RIMS1: variants seen among roughly 807,000 people sequenced by gnomAD.
RIMS1 encodes the protein regulating synaptic membrane exocytosis 1, also known as regulating synaptic membrane exocytosis protein 1.
A neutral mutation model predicts 214.1 loss-of-function variants in RIMS1; 83 were observed. The ratio of observed to expected loss-of-function variants is 0.39; its 90% CI spans 0.32 to 0.47. The LOEUF (loss-of-function observed/expected upper bound fraction) is 0.47. Ranked by LOEUF, RIMS1 falls within the 20% of genes least tolerant of loss-of-function variation. The pLI is 0.99. For synonymous variants in RIMS1, 793 were observed against 786.8 expected (o/e 1.01, Z -0.13); for missense variants, 2,050 against 2,161.8 (o/e 0.95, Z 1.03).
rs147374399 is a variant in RIMS1 at position 72,256,986 on chromosome 6, G to A, written c.2771-1139G>A. On this transcript the variant is annotated intron_variant, in intron 16 of 33. Coordinates refer to ENST00000521978, the MANE Select transcript of RIMS1 (RefSeq NM_014989.7). ...ATTGTCAAAGTACACTTAATGAAAT[G>A]TTTGAAGTCCCTTAAAATTCGGCAT... 3.3e-4 allele frequency among the ~76,000 whole-genome samples: 50 copies of A among 152,062 alleles called. No homozygotes were observed. The East Asian group carries it at 9.4e-3, about 29-fold the overall frequency.
In RIMS1 at chr6:72,081,423, C is replaced by T. The variant is rs1528504; in HGVS notation, c.246-15526C>T. Among the ~76,000 whole-genome samples, 540 of 152,122 alleles carry T rather than the reference C, an allele frequency of 3.5e-3. 3 individuals carry two copies. The highest frequency in any genetic ancestry group is 0.012 in the African/African-American group (502 of 41,504). ...CTGACACAGTCTATTGAATTAAATG[C>T]GGTTCAAATTCAAAGTACCTTCATA... On this transcript the variant is annotated intron_variant, in intron 2 of 33. Coordinates refer to ENST00000521978, the MANE Select transcript of RIMS1 (RefSeq NM_014989.7).
intron 26 of RIMS1, among the ~76,000 whole-genome samples, chr6:72,293,442 T>G (rs2093688793): frequency 6.6e-6 from 1 of 151,938 alleles, no homozygotes; most frequent in South Asian, 2.1e-4. Flanking sequence ...AATTTATTTT[T>G]TAAAGCAAAA....
rs1474603635 is a variant in RIMS1, at chr6:72,266,015, C to T, written c.3364C>T (p.Pro1122Ser). The T allele has an allele frequency of 1.3e-6, 2 of 1,584,504 alleles. No homozygotes were observed. Among genetic ancestry groups the T allele is most frequent in the Non-Finnish European group, 1.7e-6 (2 of 1,164,208 alleles). Reference sequence around the variant, plus strand: ...GAGTGCTAGTACCAACTGCTTGAGACCAGATACTAGTTTGCATTCACCAGA... The same window carrying T: ...GAGTGCTAGTACCAACTGCTTGAGATCAGATACTAGTTTGCATTCACCAGA... ...ARSASTNCLR[P>S]DTSLHSPERE... Residue 1122 changes from proline (P) to serine (S), a missense_variant, in exon 22 of 34, where the codon CCA (proline) becomes TCA (serine). By Grantham distance (74) the Pro-to-Ser change is moderately conservative (BLOSUM62 -1). Around this residue, in one of 6 missense-constraint regions of RIMS1, gnomAD observed 889 missense variants for 885.5 expected, o/e 1.00. Transcript: ENST00000521978.
chr6:72,100,896 T>G (rs924032572), intron 4 of RIMS1, among the ~76,000 whole-genome samples: 2 of 152,008 alleles, frequency 1.3e-5, no homozygotes, highest in African/African-American at 4.8e-5. Context: ...CGCTAGGATA[T>G]GCTTATTGAT....
chr6:72,037,161 A>T (rs1417263966), intron 2 of RIMS1, among the ~76,000 whole-genome samples: 1 of 152,000 alleles, frequency 6.6e-6, no homozygotes, highest in African/African-American at 2.4e-5. Context: ...GGTGGCAGGC[A>T]GCATTCTATT....
chr6:72,348,594 A>C (rs1434620341), intron 29 of RIMS1, among the ~76,000 whole-genome samples: 1 of 151,892 alleles, frequency 6.6e-6, no homozygotes, highest in Non-Finnish European at 1.5e-5. Context: ...ATTTTTTAAT[A>C]GATTCAGAGG....
chr6:72,306,805 G>A (rs950339574), intron 26 of RIMS1, among the ~76,000 whole-genome samples: 3 of 152,220 alleles, frequency 2.0e-5, no homozygotes, highest in African/African-American at 7.2e-5. Flanking sequence ...CAATTTTTAG[G>A]TGACTACTGT....
chr6:72,241,378 A>G (rs960284752), intron 9 of RIMS1, among the ~76,000 whole-genome samples: 2 of 152,196 alleles, frequency 1.3e-5, no homozygotes, highest in Non-Finnish European at 2.9e-5. Flanking sequence ...TGAGACTACC[A>G]TTTTGAAGTG....
chr6:72,172,194 C>T (rs930666327), intron 4 of RIMS1, among the ~76,000 whole-genome samples: 1 of 151,868 alleles, frequency 6.6e-6, no homozygotes, highest in African/African-American at 2.4e-5. Flanking sequence ...TTTACCTTAA[C>T]GGTACAACTT....
rs149800224 is a variant in RIMS1, at chr6:72,007,194, G to A, written c.245+38131G>A. Among the ~76,000 whole-genome samples, 696 of 152,332 alleles carry A rather than the reference G, an allele frequency of 4.6e-3. 6 individuals are homozygous for A. The highest frequency in any genetic ancestry group is 0.016 in the African/African-American group (652 of 41,576). ...TATTCGCTGTTCTGCAGCCTCCGCT[G>A]CTGATACCCAGGCAAACAGGGTCTG... On this transcript the variant is annotated intron_variant, in intron 2 of 33. Transcript: ENST00000521978.
At chr6:72,097,881 A>T (rs899424838) in intron 3 of RIMS1, among the ~76,000 whole-genome samples, 14 of 152,324 alleles carry the variant, frequency 9.2e-5, no homozygotes, top group Admixed American at 6.5e-4. Flanking sequence ...ATACTAGAGT[A>T]ATTCTAATAA....
rs566533971 is a variant in RIMS1, at chr6:72,402,494, A to T, written c.*1780A>T. Reference sequence around the variant, plus strand: ...TAACACATGTAGACACTGTGTACACACTAGGTTTTAATTCATAGACATACT... The same window carrying T: ...TAACACATGTAGACACTGTGTACACTCTAGGTTTTAATTCATAGACATACT... On this transcript the variant is annotated 3_prime_UTR_variant, in exon 34 of 34. Transcript: ENST00000521978. The T allele has an allele frequency of 6.6e-6, 1 of 152,628 alleles. No individual in the cohort carries two copies. Among genetic ancestry groups the T allele is most frequent in the African/African-American group, 2.4e-5 (1 of 41,448 alleles). 9.5% of individuals were successfully genotyped at this position (152,628 alleles called of 1,614,324 possible). A position where few individuals can be genotyped will look rare whatever the true frequency, so the allele number is the denominator to read the frequency against.
intron 6 of RIMS1, among the ~76,000 whole-genome samples, chr6:72,184,001 G>A (rs1323544953): frequency 6.6e-6 from 1 of 152,196 alleles, no homozygotes; most frequent in Non-Finnish European, 1.5e-5. Flanking sequence ...TAACTGTAGT[G>A]CATACTGTAT....
intron 2 of RIMS1, among the ~76,000 whole-genome samples, chr6:72,078,859 A>T (rs1832565096): frequency 6.6e-6 from 1 of 152,110 alleles, no homozygotes; most frequent in Admixed American, 6.5e-5. Context: ...AAGTTTTTTT[A>T]TATATTTATA....
intron 3 of RIMS1, among the ~76,000 whole-genome samples, chr6:72,098,664 G>A (rs1192339378): frequency 6.6e-6 from 1 of 152,100 alleles, no homozygotes; most frequent in Admixed American, 6.5e-5. Flanking sequence ...TAACTTCTCT[G>A]AACAGTTTCT....
intron 4 of RIMS1, among the ~76,000 whole-genome samples, chr6:72,173,353 C>T (rs1447476978): frequency 1.3e-5 from 2 of 151,894 alleles, no homozygotes; most frequent in Non-Finnish European, 2.9e-5. Flanking sequence ...TATGCAATGA[C>T]TTCTCCATTC....
intron 4 of RIMS1, among the ~76,000 whole-genome samples, chr6:72,131,688 T>C (rs2040464979): frequency 6.6e-6 from 1 of 152,206 alleles, no homozygotes; most frequent in South Asian, 2.1e-4. Context: ...TTGTCATTGA[T>C]AACATCTTAT....
chr6:72,010,220 G>GA (rs978665353), intron 2 of RIMS1, among the ~76,000 whole-genome samples: 30 of 151,616 alleles, frequency 2.0e-4, no homozygotes, highest in Admixed American at 1.7e-3. Context: ...CAGAAGCGAA[G>GA]AAAAAAAACA....
At chr6:72,238,401 C>T (rs1307079064) in intron 9 of RIMS1, among the ~76,000 whole-genome samples, 1 of 151,980 alleles carries the variant, frequency 6.6e-6, no homozygotes, top group Non-Finnish European at 1.5e-5. Context: ...TAATCATAAT[C>T]ACATTTCTTA....
Sources: allele counts gnomAD v4.1 joint callset (sites outside exome capture counted in the v4.1 genomes callset), GRCh38; gene constraint gnomAD v4.1.1; regional missense constraint gnomAD v4.1.1; transcripts MANE v1.5; gene names NCBI Gene and HGNC (gene_info 2026-07-23, HGNC 2026-07-21).